Variants in ZHX3 observed in about 807,000 individuals in gnomAD.
ZHX3 encodes zinc fingers and homeoboxes protein 3.
Under a neutral mutation model 64.5 loss-of-function variants are expected in ZHX3, and 20 were observed. The observed-to-expected ratio is 0.31, with a 90% confidence interval of 0.22 to 0.45. The LOEUF is 0.45. Among genes scored for constraint, ZHX3 ranks in the 20% least tolerant of loss-of-function variants. The pLI is 1.00. For missense variants in ZHX3, 1,041 were observed against 1,195.8 expected, an observed-to-expected ratio of 0.87 and a Z score of 1.91; for synonymous variants, 423 against 461.6, an observed-to-expected ratio of 0.92 and a Z score of 1.07.
chr20:41,255,011 G>A (rs2042169459), intron 2 of ZHX3, among the ~76,000 whole-genome samples: 1 of 152,108 alleles, frequency 6.6e-6, no homozygotes, highest in Non-Finnish European at 1.5e-5. Flanking sequence ...TTGATGAACT[G>A]GGACTTGAAG....
At chr20:41,297,558 T>C (rs2044596329) in intron 1 of ZHX3, among the ~76,000 whole-genome samples, 1 of 152,090 alleles carries the variant, frequency 6.6e-6, no homozygotes, top group African/African-American at 2.4e-5. Flanking sequence ...AGTTAGAAAA[T>C]AGAGCACAAG....
chr20:41,278,062 G>C (rs1389398688), intron 1 of ZHX3, among the ~76,000 whole-genome samples: 2 of 139,422 alleles, frequency 1.4e-5, no homozygotes, highest in Non-Finnish European at 3.1e-5. Context: ...AGCTAGGGGA[G>C]GCTGGGTGTG....
intron 1 of ZHX3, among the ~76,000 whole-genome samples, chr20:41,273,449 C>T (rs1026191770): frequency 6.6e-6 from 1 of 152,142 alleles, no homozygotes; most frequent in Non-Finnish European, 1.5e-5. Flanking sequence ...AATCCAAGGT[C>T]ATGAAGATTT....
rs1033483229 is a variant in ZHX3, at chr20:41,179,368, C to A, written c.*5823G>T. 2.6e-5 allele frequency: 4 copies of A among 152,136 alleles called. No individual in the cohort carries two copies. The highest frequency in any genetic ancestry group is 9.7e-5 in the African/African-American group (4 of 41,416). The allele number at this position is 152,136 out of a possible 1,614,324, so 9.4% of individuals were successfully genotyped here. ...TGCTGAGGAGTAGGGACTGGCGCTC[C>A]TCACTCCTGCTGACAATCTCATGTG... On this transcript the variant is annotated 3_prime_UTR_variant, in exon 4 of 4. Transcript: ENST00000683867. This position sits in a 1 kb window ranked among gnomAD's most constrained non-coding sequence, Gnocchi z 4.3.
At chr20:41,242,624 T>C (rs1045398886) in intron 2 of ZHX3, among the ~76,000 whole-genome samples, 2 of 152,168 alleles carry the variant, frequency 1.3e-5, no homozygotes. Context: ...GTGTACTATG[T>C]CTTTAGCCAC....
At chr20:41,263,072 C>T (rs1268866033) in intron 2 of ZHX3, among the ~76,000 whole-genome samples, 1 of 151,890 alleles carries the variant, frequency 6.6e-6, no homozygotes, top group African/African-American at 2.4e-5. Flanking sequence ...GAAGAAACAA[C>T]AAATACAAAA....
rs11478855 is a variant in ZHX3 at position 41,197,999 on chromosome 20, C to CT, written c.2860+4057dup. On this transcript the variant is annotated intron_variant, in intron 3 of 3. Coordinates refer to ENST00000683867, the MANE Select transcript of ZHX3 (RefSeq NM_001384317.1). ...CTCTAAAGTTATCTTAACTAGTGCT[C>CT]TTTTTTTTTTTTTTTTTTTTTGTGA... Among the ~76,000 whole-genome samples the CT allele has an allele frequency of 8.3e-3, 920 of 110,338 alleles. 14 individuals are homozygous for CT. Among genetic ancestry groups the CT allele is most frequent in the South Asian group, 0.02 (69 of 3,474 alleles). 72.4% of individuals were successfully genotyped at this position (110,338 alleles called of 152,430 possible).
At chr20:41,302,156 A>T (rs2044843511) in intron 1 of ZHX3, among the ~76,000 whole-genome samples, 4 of 150,538 alleles carry the variant, frequency 2.7e-5, no homozygotes. Flanking sequence ...TTCAGAGCCC[A>T]GGTTTTCCAG....
chr20:41,283,117 C>A (rs1166403339), intron 1 of ZHX3, among the ~76,000 whole-genome samples: 1 of 152,114 alleles, frequency 6.6e-6, no homozygotes, highest in Non-Finnish European at 1.5e-5. Context: ...TTATGTTGCC[C>A]AGGCTGGTCT....
At chr20:41,221,449 T>C (rs1198396429) in intron 2 of ZHX3, among the ~76,000 whole-genome samples, 2 of 152,196 alleles carry the variant, frequency 1.3e-5, no homozygotes, top group Admixed American at 6.5e-5. Flanking sequence ...AGATAGTCAA[T>C]TCATTTAACA....
chr20:41,274,692 C>T (rs1469785107), intron 1 of ZHX3, among the ~76,000 whole-genome samples: 1 of 152,172 alleles, frequency 6.6e-6, no homozygotes, highest in African/African-American at 2.4e-5. Flanking sequence ...AAAATAAATA[C>T]TGGTTCATTT....
chr20:41,243,854 C>T (rs570267001), intron 2 of ZHX3, among the ~76,000 whole-genome samples: 1 of 152,194 alleles, frequency 6.6e-6, no homozygotes, highest in South Asian at 2.1e-4. Flanking sequence ...CGAGGATCAA[C>T]TCTGACTGGA....
Position 41,185,034 on chromosome 20 carries a change from C to T in ZHX3, c.*157G>A. 1 of 1,551,766 alleles carries T rather than the reference C, an allele frequency of 6.4e-7. No individual in the cohort carries two copies. Among genetic ancestry groups the T allele is most frequent in the Non-Finnish European group, 8.7e-7 (1 of 1,147,088 alleles). ...GTGGTGGGCAGGCCGAGGGTAGCGG[C>T]AGGCTCTGGGCTGTCTGCGAGGATT... On this transcript the variant is annotated 3_prime_UTR_variant, in exon 4 of 4. Transcript: ENST00000683867. This position sits in a 1 kb window ranked among gnomAD's most constrained non-coding sequence, Gnocchi z 5.0.
At position 41,317,597 on chromosome 20, in the gene ZHX3, C is replaced by T. The variant is rs1240301137; in HGVS notation, c.-333G>A. The T allele has an allele frequency of 6.8e-6, 1 of 147,652 alleles. No individual in the cohort carries two copies. Among genetic ancestry groups the T allele is most frequent in the Non-Finnish European group, 1.5e-5 (1 of 66,314 alleles). 9.1% of individuals were successfully genotyped at this position (147,652 alleles called of 1,614,324 possible). ...TCCCCGCGGCCGGGCGGGCGGCCGG[C>T]GCAGGCCCCGCAGAGGCGGCGGCGG... is the stretch of plus-strand genomic sequence containing the variant. On this transcript the variant is annotated 5_prime_UTR_variant, in exon 1 of 4. Transcript: ENST00000683867.
At chr20:41,312,069 A>C (rs1158443142) in intron 1 of ZHX3, among the ~76,000 whole-genome samples, 1 of 152,204 alleles carries the variant, frequency 6.6e-6, no homozygotes, top group Non-Finnish European at 1.5e-5. Flanking sequence ...GAGGGGGTAA[A>C]GCCAGCTGGA....
intron 2 of ZHX3, among the ~76,000 whole-genome samples, chr20:41,234,632 C>T (rs920991387): frequency 2.0e-5 from 3 of 152,158 alleles, no homozygotes; most frequent in East Asian, 3.9e-4. Flanking sequence ...TACTGCCTCG[C>T]GAGGGAAAAA....
intron 2 of ZHX3, among the ~76,000 whole-genome samples, chr20:41,214,786 C>A (rs1000252627): frequency 6.6e-5 from 10 of 152,166 alleles, no homozygotes; most frequent in African/African-American, 2.4e-4. Flanking sequence ...ATAAATGAGG[C>A]ACTACCATGT....
chr20:41,264,385 C>CAAAAAAAAAAAAAAAAAA (rs1165922837), intron 2 of ZHX3, among the ~76,000 whole-genome samples: 2 of 74,502 alleles, frequency 2.7e-5, no homozygotes, highest in Non-Finnish European at 5.1e-5. Flanking sequence ...ACCAAAAATA[C>CAAAAAAAAAAAAAAAAAA]AAAAAAAAAA....
At chr20:41,313,690 T>C (rs983724597) in intron 1 of ZHX3, among the ~76,000 whole-genome samples, 3 of 142,592 alleles carry the variant, frequency 2.1e-5, no homozygotes, top group Non-Finnish European at 3.0e-5. Context: ...CTCCGCCTCC[T>C]GGGTTCACGC....
Sources: allele counts gnomAD v4.1 joint callset (sites outside exome capture counted in the v4.1 genomes callset), GRCh38; gene constraint gnomAD v4.1.1; non-coding constraint Gnocchi (gnomAD v3.1); transcripts MANE v1.5; gene names NCBI Gene and HGNC (gene_info 2026-07-23, HGNC 2026-07-21).